Variants in INPP4B observed in about 807,000 individuals in gnomAD.
The protein encoded by INPP4B is inositol polyphosphate-4-phosphatase type II B.
INPP4B carries 55 observed loss-of-function variants against 122.5 expected under a neutral mutation model. That is an observed-to-expected ratio of 0.45 (90% CI 0.36 to 0.56). The LOEUF (loss-of-function observed/expected upper bound fraction) is 0.56. Ranked by LOEUF, INPP4B falls within the 20% of genes least tolerant of loss-of-function variation. INPP4B has a pLI of 0.00. For synonymous variants in INPP4B, 403 were observed against 388.7 expected, an observed-to-expected ratio of 1.04 and a Z score of -0.43; for missense variants, 1,000 against 1,097.7, an observed-to-expected ratio of 0.91 and a Z score of 1.26.
At chr4:142,710,158 G>A (rs1762935095) in intron 2 of INPP4B, among the ~76,000 whole-genome samples, 1 of 152,154 alleles carries the variant, frequency 6.6e-6, no homozygotes, top group Non-Finnish European at 1.5e-5. Context: ...TAAAATCAAA[G>A]TAGGGAAACT....
rs150668425 is a variant in INPP4B at position 142,744,836 on chromosome 4, T to G, written c.-253-18935A>C. 2.3e-3 allele frequency among the ~76,000 whole-genome samples: 352 copies of G among 151,894 alleles called. 2 individuals carry two copies. Among genetic ancestry groups the G allele is most frequent in the Non-Finnish European group, 4.4e-3 (301 of 67,812 alleles). On this transcript the variant is annotated intron_variant, in intron 1 of 25. Transcript: ENST00000262992. ...AGATGGGAAGAGTCATAAAAATAAA[T>G]AGACATAAATATAAGATGTTATTCC... is the stretch of plus-strand genomic sequence containing the variant.
At chr4:142,563,173 G>T (rs1176969440) in intron 2 of INPP4B, among the ~76,000 whole-genome samples, 1 of 152,154 alleles carries the variant, frequency 6.6e-6, no homozygotes, top group African/African-American at 2.4e-5. Flanking sequence ...TTTTTTTAAG[G>T]CAGAAAAACT....
intron 25 of INPP4B, among the ~76,000 whole-genome samples, chr4:142,054,351 C>T (rs990042129): frequency 7.9e-5 from 12 of 151,528 alleles, no homozygotes; most frequent in African/African-American, 2.4e-4. Context: ...ATGAGATAAT[C>T]GCTGCTGCAA....
intron 25 of INPP4B, among the ~76,000 whole-genome samples, chr4:142,078,568 C>T (rs536698262): frequency 1.3e-5 from 2 of 152,048 alleles, no homozygotes; most frequent in East Asian, 3.9e-4. Flanking sequence ...AAATCTCTAC[C>T]TTCAGAGAGC....
intron 25 of INPP4B, among the ~76,000 whole-genome samples, chr4:142,074,569 T>G (rs939604438): frequency 3.9e-5 from 6 of 152,112 alleles, no homozygotes; most frequent in Non-Finnish European, 8.8e-5. Flanking sequence ...TGGATATACA[T>G]GTGAGAATGT....
chr4:142,160,969 A>G (rs1430613723), intron 16 of INPP4B, among the ~76,000 whole-genome samples: 1 of 152,036 alleles, frequency 6.6e-6, no homozygotes, highest in Non-Finnish European at 1.5e-5. Flanking sequence ...ATTTTATTAA[A>G]ACCGCAATTA....
chr4:142,698,433 T>C (rs2120158), intron 2 of INPP4B, among the ~76,000 whole-genome samples: 87,454 of 151,812 alleles, frequency 0.58, 26,405 homozygotes, highest in East Asian at 0.8. Flanking sequence ...TTGTCTTAAA[T>C]GATTGTCTCC....
At chr4:142,666,298 TTA>T (rs1756041717) in intron 2 of INPP4B, among the ~76,000 whole-genome samples, 1 of 152,084 alleles carries the variant, frequency 6.6e-6, no homozygotes, top group Non-Finnish European at 1.5e-5. Flanking sequence ...ATATATAATT[TTA>T]GATTCATTTC....
At chr4:142,593,104 T>TA (rs70949176) in intron 2 of INPP4B, among the ~76,000 whole-genome samples, 3,752 of 143,088 alleles carry the variant, frequency 0.026, 60 homozygotes, top group Middle Eastern at 0.093. Context: ...ATCCTGTTTT[T>TA]AAAAAAAAAA....
At chr4:142,469,455 T>C (rs1300868644) in intron 2 of INPP4B, among the ~76,000 whole-genome samples, 1 of 152,124 alleles carries the variant, frequency 6.6e-6, no homozygotes, top group Non-Finnish European at 1.5e-5. Flanking sequence ...ATTTTTAGTA[T>C]AATTCCAATG....
Position 142,823,370 on chromosome 4 carries a change from G to A in INPP4B, c.-254+22839C>T, listed in dbSNP as rs549289523. Among the ~76,000 whole-genome samples, 4 of 152,174 alleles carry A rather than the reference G, an allele frequency of 2.6e-5. No individual in the cohort carries two copies. The East Asian group carries it at 7.7e-4, about 29-fold the overall frequency. On this transcript the variant is annotated intron_variant, in intron 1 of 25. Coordinates refer to ENST00000262992, the MANE Select transcript of INPP4B (RefSeq NM_001101669.3). ...TAACATGAACACAAACCATTAAGAT[G>A]TAAAATACTTCCAAAGCATCTGAAA...
chr4:142,289,876 T>A (rs1413117327), intron 9 of INPP4B, among the ~76,000 whole-genome samples: 2 of 152,212 alleles, frequency 1.3e-5, no homozygotes, highest in African/African-American at 4.8e-5. Flanking sequence ...AAATCTCACA[T>A]TATTCATGCT....
At chr4:142,394,291 T>A (rs1206138987) in intron 7 of INPP4B, among the ~76,000 whole-genome samples, 1 of 152,090 alleles carries the variant, frequency 6.6e-6, no homozygotes, top group African/African-American at 2.4e-5. Flanking sequence ...GACTACAGGC[T>A]CCTGTCACCA....
At chr4:142,243,696 T>C (rs1259909834) in intron 11 of INPP4B, among the ~76,000 whole-genome samples, 2 of 152,150 alleles carry the variant, frequency 1.3e-5, no homozygotes, top group Non-Finnish European at 2.9e-5. Flanking sequence ...AGGAAAAAAT[T>C]TGGCATTTGC....
intron 2 of INPP4B, among the ~76,000 whole-genome samples, chr4:142,652,325 C>T (rs1156888498): frequency 6.6e-6 from 1 of 152,134 alleles, no homozygotes; most frequent in Non-Finnish European, 1.5e-5. Context: ...CAAGAATGCC[C>T]TCTCTCACCA....
chr4:142,552,639 C>A (rs1448038052), intron 2 of INPP4B, among the ~76,000 whole-genome samples: 1 of 152,102 alleles, frequency 6.6e-6, no homozygotes, highest in East Asian at 1.9e-4. Flanking sequence ...AAAGAGGCAA[C>A]ATTGATCTCT....
At chr4:142,163,138 G>C (rs1284366642) in intron 16 of INPP4B, among the ~76,000 whole-genome samples, 3 of 151,752 alleles carry the variant, frequency 2.0e-5, no homozygotes, top group African/African-American at 7.3e-5. Flanking sequence ...CTGTGCTTTT[G>C]CTTTCCCATG....
At chr4:142,416,217 G>T (rs1463357606) in intron 5 of INPP4B, among the ~76,000 whole-genome samples, 1 of 152,090 alleles carries the variant, frequency 6.6e-6, no homozygotes, top group Admixed American at 6.6e-5. Context: ...TAGGGGCCTG[G>T]AATGTTGTCT....
At chr4:142,319,933 C>T (rs1449878460) in intron 7 of INPP4B, among the ~76,000 whole-genome samples, 1 of 152,174 alleles carries the variant, frequency 6.6e-6, no homozygotes, top group African/African-American at 2.4e-5. Flanking sequence ...GCTGGATTCT[C>T]CACTCAAATC....
Sources: allele counts gnomAD v4.1 joint callset (sites outside exome capture counted in the v4.1 genomes callset), GRCh38; gene constraint gnomAD v4.1.1; transcripts MANE v1.5; gene names NCBI Gene and HGNC (gene_info 2026-07-23, HGNC 2026-07-21).